The following ADGRL3 variants were observed in gnomAD, a reference collection of about 807,000 sequenced individuals.
ADGRL3 encodes the protein adhesion G protein-coupled receptor L3.
ADGRL3 carries 62 observed loss-of-function variants against 153.5 expected under a neutral mutation model. That is an observed-to-expected ratio of 0.40 (90% CI 0.33 to 0.50). The LOEUF is 0.50. ADGRL3 is among the 20% of genes least tolerant of loss of function. ADGRL3 has a pLI of 0.47. For synonymous variants in ADGRL3, 710 were observed against 672.5 expected (o/e 1.06, Z -0.86); for missense variants, 1,641 against 1,859.4 (o/e 0.88, Z 2.16).
intron 2 of ADGRL3, among the ~76,000 whole-genome samples, chr4:61,437,173 G>T (rs958987755): frequency 6.6e-6 from 1 of 151,880 alleles, no homozygotes; most frequent in African/African-American, 2.4e-5. Context: ...TGACCAGTAC[G>T]CCATTGATCC....
intron 1 of ADGRL3, among the ~76,000 whole-genome samples, chr4:61,205,338 A>G (rs1736615234): frequency 6.6e-6 from 1 of 152,210 alleles, no homozygotes; most frequent in Admixed American, 6.5e-5. Flanking sequence ...TGCGATTTTC[A>G]TATTTAGGAT....
At chr4:61,862,824 A>G (rs892278156) in intron 9 of ADGRL3, among the ~76,000 whole-genome samples, 1 of 152,166 alleles carries the variant, frequency 6.6e-6, no homozygotes, top group African/African-American at 2.4e-5. Context: ...TTTGAGAAGC[A>G]CTGCTCAACA....
chr4:61,613,245 C>T (rs1035445308), intron 5 of ADGRL3, among the ~76,000 whole-genome samples: 4 of 152,048 alleles, frequency 2.6e-5, no homozygotes, highest in African/African-American at 9.7e-5. Context: ...TTAGATTGAT[C>T]TAGGGACTCT....
intron 4 of ADGRL3, among the ~76,000 whole-genome samples, chr4:61,556,250 T>C (rs573842831): frequency 9.2e-5 from 14 of 152,194 alleles, no homozygotes; most frequent in Middle Eastern, 3.4e-3. Flanking sequence ...AGTTTGCAAA[T>C]ATAAAGAATA....
chr4:61,516,027 C>T (rs2098491763), intron 3 of ADGRL3, among the ~76,000 whole-genome samples: 1 of 152,070 alleles, frequency 6.6e-6, no homozygotes, highest in African/African-American at 2.4e-5. Context: ...AGTAATCATA[C>T]ATTGTAATAA....
At chr4:61,264,869 CT>C (rs1486370867) in intron 1 of ADGRL3, among the ~76,000 whole-genome samples, 2 of 151,708 alleles carry the variant, frequency 1.3e-5, no homozygotes, top group East Asian at 3.9e-4. Flanking sequence ...TAAACAAAAC[CT>C]TTTCAGTAAG....
At chr4:61,480,717 A>T (rs1049378924) in intron 2 of ADGRL3, among the ~76,000 whole-genome samples, 3 of 152,138 alleles carry the variant, frequency 2.0e-5, no homozygotes, top group African/African-American at 7.2e-5. Flanking sequence ...CAGGAGGCAG[A>T]GGTTGCCATG....
chr4:61,592,255 G>T (rs2098972717), intron 5 of ADGRL3, among the ~76,000 whole-genome samples: 1 of 152,044 alleles, frequency 6.6e-6, no homozygotes, highest in Non-Finnish European at 1.5e-5. Flanking sequence ...AAATGCCAGT[G>T]GCAGTTTTGG....
chr4:61,580,173 T>C (rs991973578), intron 4 of ADGRL3, among the ~76,000 whole-genome samples: 1 of 149,130 alleles, frequency 6.7e-6, no homozygotes, highest in Non-Finnish European at 1.5e-5. Flanking sequence ...TGTAAGAAAC[T>C]CTTTTAGAAT....
intron 1 of ADGRL3, among the ~76,000 whole-genome samples, chr4:61,223,252 A>G (rs1746476441): frequency 1.3e-5 from 2 of 152,210 alleles, no homozygotes; most frequent in Non-Finnish European, 2.9e-5. Context: ...GAGATGTTAG[A>G]GTGCCAAAGA....
At chr4:61,419,954 C>T (rs568883278) in intron 2 of ADGRL3, among the ~76,000 whole-genome samples, 88 of 151,988 alleles carry the variant, frequency 5.8e-4, no homozygotes, top group African/African-American at 1.4e-3. Flanking sequence ...CCACCATGCC[C>T]GGCTGATATT....
chr4:61,704,140 G>A (rs10517545), intron 6 of ADGRL3, among the ~76,000 whole-genome samples: 2,862 of 152,216 alleles, frequency 0.019, 106 homozygotes, highest in African/African-American at 0.066. Context: ...TGAAGTTCAT[G>A]TATAGGCAGA....
At chr4:61,892,110 T>A (rs2149596719) in intron 9 of ADGRL3, among the ~76,000 whole-genome samples, 1 of 152,142 alleles carries the variant, frequency 6.6e-6, no homozygotes, top group African/African-American at 2.4e-5. Context: ...GCTACTCCAG[T>A]TTGTGTTTAA....
chr4:61,405,730 T>C (rs191264828), intron 2 of ADGRL3, among the ~76,000 whole-genome samples: 131 of 152,142 alleles, frequency 8.6e-4, no homozygotes, highest in African/African-American at 2.9e-3. Context: ...CAAATTCTTA[T>C]GTTGAGAAGC....
At chr4:61,685,413 A>G (rs888139642) in intron 6 of ADGRL3, among the ~76,000 whole-genome samples, 15 of 152,172 alleles carry the variant, frequency 9.9e-5, no homozygotes, top group African/African-American at 3.6e-4. Flanking sequence ...TGTTAAAAAA[A>G]AATCAAAACT....
intron 1 of ADGRL3, among the ~76,000 whole-genome samples, chr4:61,277,274 G>A (rs2093508665): frequency 6.6e-6 from 1 of 152,076 alleles, no homozygotes; most frequent in South Asian, 2.1e-4. Flanking sequence ...CGAGTTATAA[G>A]GACTAGAGCT....
intron 5 of ADGRL3, among the ~76,000 whole-genome samples, chr4:61,649,863 T>TTC (rs1162358969): frequency 6.6e-6 from 1 of 152,146 alleles, no homozygotes; most frequent in Non-Finnish European, 1.5e-5. Context: ...TGGACTTGAG[T>TTC]AACAACCCAC....
At position 61,966,155 on chromosome 4, in the gene ADGRL3, G is replaced by A. The variant is rs1258292283; in HGVS notation, c.2806-13408G>A. On this transcript the variant is annotated intron_variant, in intron 17 of 26. Transcript: ENST00000683033. ...ATGAAAATGAAATAAAAATGACATG[G>A]GTGTGCGTATGTGCACATGTACATA... Among the ~76,000 whole-genome samples, 3 of 151,872 alleles carry A rather than the reference G, an allele frequency of 2.0e-5. No individual in the cohort carries two copies. The East Asian group carries it at 5.8e-4, about 29-fold the overall frequency.
At position 61,971,705 on chromosome 4, in the gene ADGRL3, T is replaced by C. The variant is rs566357075; in HGVS notation, c.2806-7858T>C. Among the ~76,000 whole-genome samples the C allele has an allele frequency of 3.4e-3, 516 of 152,310 alleles. 8 individuals carry two copies. The highest frequency in any genetic ancestry group is 0.023 in the Admixed American group (346 of 15,304). On this transcript the variant is annotated intron_variant, in intron 17 of 26. Transcript: ENST00000683033. Reference sequence around the variant, plus strand: ...GGATGGCTGTGTCAAATGGTATTTCTAGTTCTAGATCCCTGAGGAATTGCC... The same window carrying C: ...GGATGGCTGTGTCAAATGGTATTTCCAGTTCTAGATCCCTGAGGAATTGCC...
Sources: gnomAD v4.1 joint callset for allele counts (sites outside exome capture counted in the v4.1 genomes callset) on GRCh38, gnomAD v4.1.1 for gene constraint, MANE v1.5 for transcripts, NCBI Gene and HGNC (gene_info 2026-07-23, HGNC 2026-07-21) for gene names.